CA10: variants seen among roughly 807,000 people sequenced by gnomAD.
The protein encoded by CA10 is carbonic anhydrase-related protein 10.
In CA10, 14 loss-of-function variants were observed where a neutral mutation model predicts 44.2. The ratio of observed to expected loss-of-function variants is 0.32; its 90% confidence interval spans 0.21 to 0.50. The LOEUF (loss-of-function observed/expected upper bound fraction) is 0.50. Among genes scored for constraint, CA10 ranks in the 20% least tolerant of loss-of-function variants. The probability of loss-of-function intolerance (pLI) is 0.99; values close to 1 mark genes in which losing one functional copy is unlikely to be tolerated. For synonymous variants in CA10, 159 were observed against 141.6 expected (o/e 1.12, Z -0.87); for missense variants, 350 against 409.7 (o/e 0.85, Z 1.26).
At chr17:52,064,349 G>A (rs897209310) in intron 2 of CA10, among the ~76,000 whole-genome samples, 1 of 152,162 alleles carries the variant, frequency 6.6e-6, no homozygotes, top group Non-Finnish European at 1.5e-5. Context: ...ACAAATGTGT[G>A]TCATTTTAAA....
intron 3 of CA10, among the ~76,000 whole-genome samples, chr17:51,849,162 T>G (rs1399039455): frequency 7.7e-6 from 1 of 130,560 alleles, no homozygotes; most frequent in African/African-American, 2.9e-5. Context: ...TATACATATA[T>G]GTATATATAT....
chr17:51,870,312 C>A (rs1413428145), intron 3 of CA10, among the ~76,000 whole-genome samples: 1 of 152,192 alleles, frequency 6.6e-6, no homozygotes, highest in Middle Eastern at 3.2e-3. Context: ...CTATTTTGCC[C>A]ATCATGAAAG....
intron 1 of CA10, among the ~76,000 whole-genome samples, chr17:52,089,920 G>C (rs1328002910): frequency 6.6e-6 from 1 of 152,014 alleles, no homozygotes; most frequent in Non-Finnish European, 1.5e-5. Flanking sequence ...TTATTTATTT[G>C]AAAATATCAG....
chr17:52,128,056 C>T (rs1989157837), intron 1 of CA10, among the ~76,000 whole-genome samples: 1 of 152,184 alleles, frequency 6.6e-6, no homozygotes, highest in Non-Finnish European at 1.5e-5. Flanking sequence ...TACCCAGGGA[C>T]ATAAGGGCTA....
chr17:51,760,690 A>G (rs1382478341), intron 3 of CA10, among the ~76,000 whole-genome samples: 1 of 152,244 alleles, frequency 6.6e-6, no homozygotes, highest in African/African-American at 2.4e-5. Flanking sequence ...GTAGACAATC[A>G]CATCTGATGG....
intron 3 of CA10, among the ~76,000 whole-genome samples, chr17:51,837,079 A>ACACAC (rs1908507369): frequency 6.7e-6 from 1 of 149,858 alleles, no homozygotes; most frequent in Non-Finnish European, 1.5e-5. Context: ...GAGTTCAGAC[A>ACACAC]ACACACACAC....
At chr17:51,785,589 C>T (rs756885587) in intron 3 of CA10, among the ~76,000 whole-genome samples, 1 of 152,116 alleles carries the variant, frequency 6.6e-6, no homozygotes, top group Non-Finnish European at 1.5e-5. Context: ...AGTACAACTA[C>T]TATGGAGAAC....
chr17:51,761,193 CTTATA>C (rs1234790583), intron 3 of CA10: 1 of 152,120 alleles, frequency 6.6e-6, no homozygotes, highest in Non-Finnish European at 1.5e-5. Context: ...ATGCCAGTAA[CTTATA>C]TTTGTTTCCT....
At chr17:51,978,095 C>T (rs900469405) in intron 2 of CA10, among the ~76,000 whole-genome samples, 13 of 152,134 alleles carry the variant, frequency 8.5e-5, no homozygotes, top group African/African-American at 3.1e-4. Context: ...AGTCTTTTAT[C>T]TTTAAATAGA....
chr17:51,759,018 G>T (rs1567830029), intron 3 of CA10, among the ~76,000 whole-genome samples: 2 of 152,200 alleles, frequency 1.3e-5, no homozygotes, highest in Non-Finnish European at 2.9e-5. Context: ...TATGACCCCA[G>T]TTCAGTGTGG....
At chr17:52,124,563 T>A (rs1404118356) in intron 1 of CA10, among the ~76,000 whole-genome samples, 1 of 152,212 alleles carries the variant, frequency 6.6e-6, no homozygotes, top group Non-Finnish European at 1.5e-5. Context: ...AAAAATATAA[T>A]TCTTTAGCAT....
At chr17:52,038,912 C>T (rs1156661470) in intron 2 of CA10, among the ~76,000 whole-genome samples, 1 of 152,088 alleles carries the variant, frequency 6.6e-6, no homozygotes, top group African/African-American at 2.4e-5. Flanking sequence ...TGGTATATTT[C>T]AAGAAGTATT....
chr17:52,094,159 G>T (rs1023222433), intron 1 of CA10, among the ~76,000 whole-genome samples: 1 of 152,072 alleles, frequency 6.6e-6, no homozygotes, highest in Non-Finnish European at 1.5e-5. Context: ...GGGGGCTGGG[G>T]GAGGAATAAC....
chr17:52,026,457 T>C (rs1176738739), intron 2 of CA10, among the ~76,000 whole-genome samples: 2 of 152,108 alleles, frequency 1.3e-5, no homozygotes, highest in East Asian at 3.9e-4. Context: ...AGGCAGATGA[T>C]GGGAGAAAAC....
chr17:51,734,994 T>C (rs548265816), intron 4 of CA10, among the ~76,000 whole-genome samples: 1 of 152,240 alleles, frequency 6.6e-6, no homozygotes, highest in South Asian at 2.1e-4. Flanking sequence ...CCTGGCAGCC[T>C]TACAGCAGGA....
intron 1 of CA10, among the ~76,000 whole-genome samples, chr17:52,073,348 GAGA>G (rs548630607): frequency 1.4e-4 from 21 of 152,280 alleles, no homozygotes; most frequent in South Asian, 4.2e-4. Flanking sequence ...TTTGTATAGA[GAGA>G]AGATTTACTA....
chr17:51,818,464 C>A (rs1052050832), intron 3 of CA10, among the ~76,000 whole-genome samples: 5 of 152,088 alleles, frequency 3.3e-5, no homozygotes, highest in African/African-American at 1.2e-4. Flanking sequence ...CTAAACCAAC[C>A]CTTCTTTTAG....
intron 1 of CA10, among the ~76,000 whole-genome samples, chr17:52,141,299 A>C (rs548920029): frequency 6.6e-6 from 1 of 152,322 alleles, no homozygotes; most frequent in East Asian, 1.9e-4. Flanking sequence ...AAGGTGCTTG[A>C]AGCATTACTT....
intron 4 of CA10, among the ~76,000 whole-genome samples, chr17:51,654,425 C>T (rs34123795): frequency 0.021 from 3,156 of 152,286 alleles, 46 homozygotes; most frequent in Middle Eastern, 0.041. Flanking sequence ...TTTTTAGCCA[C>T]ATGATCAAGT....
Sources: gnomAD v4.1 joint callset for allele counts (sites outside exome capture counted in the v4.1 genomes callset) on GRCh38, gnomAD v4.1.1 for gene constraint, MANE v1.5 for transcripts, NCBI Gene and HGNC (gene_info 2026-07-23, HGNC 2026-07-21) for gene names.